The following HDX variants were observed in gnomAD, a reference collection of about 807,000 sequenced individuals.
HDX encodes chromosome X open reading frame 43.
HDX carries 19 observed loss-of-function variants against 45.2 expected under a neutral mutation model. The ratio of observed to expected loss-of-function variants is 0.42; its 90% CI spans 0.29 to 0.62. HDX has a LOEUF of 0.62. Ranked by LOEUF, HDX falls within the 20% of genes least tolerant of loss-of-function variation. The pLI is 0.20. For missense variants in HDX, 532 were observed against 493.9 expected (o/e 1.08, Z -0.73); for synonymous variants, 188 against 172.8 (o/e 1.09, Z -0.69).
At chrX:84,336,461 CTG>C (rs1013581437) in intron 8 of HDX, among the ~76,000 whole-genome samples, 12 of 111,273 alleles carry the variant, frequency 1.1e-4, no homozygotes, top group African/African-American at 3.6e-4. Context: ...ATGCTAAACT[CTG>C]TTTTAATTCT....
At chrX:84,500,794 T>G (rs999355649) in intron 1 of HDX, among the ~76,000 whole-genome samples, 2 of 111,818 alleles carry the variant, frequency 1.8e-5, no homozygotes, top group African/African-American at 6.5e-5. Flanking sequence ...ATAAGGCTCC[T>G]GCATTACAAT....
chrX:84,336,871 T>C lies in HDX; in HGVS notation c.1670A>G (p.Asn557Ser), dbSNP rs77791258. Residue 557 changes from asparagine (N) to serine (S), a missense_variant, in exon 8 of 11, where the codon AAT becomes AGT. Around this residue, in one of 3 missense-constraint regions of HDX, gnomAD observed 151 missense variants for 131.8 expected, o/e 1.15. Coordinates refer to ENST00000373177, the MANE Select transcript of HDX (RefSeq NM_001177479.2). ...CCTTGCATCATTCGGAACAACTTCA[T>C]TGGGCTCTTCTACAGAAAAAAATGC... ...LSEGSSQEEP[N>S]EVVPNDARAH... 7.8e-3 allele frequency: 9,086 copies of C among 1,170,075 alleles called. 414 individuals are homozygous for C. In the African/African-American group the frequency reaches 0.13, roughly 17 times the overall value.
intron 2 of HDX, among the ~76,000 whole-genome samples, chrX:84,478,479 C>T (rs539907624): frequency 7.0e-4 from 78 of 111,771 alleles, no homozygotes; most frequent in African/African-American, 2.4e-3. Flanking sequence ...CTTATAGATT[C>T]GATGCCATAC....
intron 4 of HDX, among the ~76,000 whole-genome samples, chrX:84,465,361 A>T (rs1026236514): frequency 1.8e-4 from 20 of 112,379 alleles, no homozygotes; most frequent in African/African-American, 6.5e-4. Flanking sequence ...CTATAAAGAC[A>T]CATGCACACA....
chrX:84,326,931 G>T (rs1169528004), intron 9 of HDX, among the ~76,000 whole-genome samples: 1 of 102,560 alleles, frequency 9.8e-6, no homozygotes, highest in Non-Finnish European at 2.0e-5. Flanking sequence ...AAAAAAAAAA[G>T]ATTAGGAATA....
intron 4 of HDX, among the ~76,000 whole-genome samples, chrX:84,450,188 T>C (rs1347716731): frequency 9.0e-6 from 1 of 111,491 alleles, no homozygotes; most frequent in Non-Finnish European, 1.9e-5. Flanking sequence ...TATTCACATA[T>C]CAATTATGAT....
intron 3 of HDX, among the ~76,000 whole-genome samples, chrX:84,472,883 A>C (rs748599273): frequency 1.4e-4 from 15 of 110,322 alleles, no homozygotes; most frequent in Middle Eastern, 9.5e-3. Context: ...AAATTTGTTC[A>C]GTTATTATCA....
At position 84,319,176 on chromosome X, in the gene HDX, G is replaced by C. The variant is rs892616466; in HGVS notation, c.*2713C>G. ...TTGTTTTTTGTTTTTTTCCACATTG[G>C]CTTCTGTCTCCCTGAGAGAGCCTTC... On this transcript the variant is annotated 3_prime_UTR_variant, in exon 11 of 11. Coordinates refer to ENST00000373177, the MANE Select transcript of HDX (RefSeq NM_001177479.2). 9.1e-6 allele frequency: 1 copy of C among 109,750 alleles called. No individual in the cohort carries two copies. The highest frequency in any genetic ancestry group is 2.8e-4 in the East Asian group (1 of 3,512). The allele number at this position is 109,750 out of a possible 1,213,427, so 9.0% of individuals were successfully genotyped here.
chrX:84,448,586 C>T (rs939747185), intron 4 of HDX, among the ~76,000 whole-genome samples: 1 of 109,927 alleles, frequency 9.1e-6, no homozygotes, highest in African/African-American at 3.3e-5. Flanking sequence ...ATGGACACAC[C>T]GAGAATGAAA....
rs757171409 is a variant in HDX at position 84,494,660 on chromosome X, G to A, written c.-109-6528C>T. On this transcript the variant is annotated intron_variant, in intron 1 of 10. Transcript: ENST00000373177. ...GTAGAAACAACATACAAACACACAT[G>A]TATTTAGACAATGAAAATGTGAAAG... 3.6e-5 allele frequency among the ~76,000 whole-genome samples: 4 copies of A among 111,796 alleles called. No individual in the cohort carries two copies. In the East Asian group the frequency reaches 8.4e-4, roughly 24 times the overall value.
intron 2 of HDX, among the ~76,000 whole-genome samples, chrX:84,476,424 G>T (rs781154619): frequency 3.1e-4 from 33 of 108,086 alleles, no homozygotes; most frequent in Admixed American, 5.0e-4. Flanking sequence ...GTGAGCCTGT[G>T]GTCCCTGCTA....
chrX:84,419,135 T>C (rs1259953736), intron 5 of HDX, among the ~76,000 whole-genome samples: 1 of 108,944 alleles, frequency 9.2e-6, no homozygotes, highest in African/African-American at 3.4e-5. Context: ...CAAGCAATGA[T>C]ACCCAGGTAC....
intron 5 of HDX, among the ~76,000 whole-genome samples, chrX:84,381,684 C>T (rs911493417): frequency 4.5e-5 from 5 of 111,481 alleles, no homozygotes; most frequent in Non-Finnish European, 9.5e-5. Context: ...TATCTTTTGC[C>T]ATATACAAAA....
chrX:84,434,472 A>G (rs1382622065), intron 5 of HDX, among the ~76,000 whole-genome samples: 1 of 111,834 alleles, frequency 8.9e-6, no homozygotes, highest in Non-Finnish European at 1.9e-5. Flanking sequence ...GTGATGTAAC[A>G]TATTTACTGA....
chrX:84,459,344 A>G (rs1438493109), intron 4 of HDX, among the ~76,000 whole-genome samples: 1 of 110,250 alleles, frequency 9.1e-6, no homozygotes, highest in Non-Finnish European at 1.9e-5. Context: ...CGGGAGGCTG[A>G]GACAGGAGAA....
chrX:84,414,510 AT>A (rs1286732930), intron 5 of HDX, among the ~76,000 whole-genome samples: 1 of 112,035 alleles, frequency 8.9e-6, no homozygotes, highest in Non-Finnish European at 1.9e-5. Flanking sequence ...ACTAAAATAG[AT>A]ACTTAACCAA....
intron 5 of HDX, among the ~76,000 whole-genome samples, chrX:84,387,434 C>T (rs1021606564): frequency 9.0e-6 from 1 of 111,512 alleles, no homozygotes; most frequent in African/African-American, 3.3e-5. Flanking sequence ...TTGAAACCGC[C>T]TAGTATTATT....
At chrX:84,446,003 A>G (rs1407392941) in intron 4 of HDX, among the ~76,000 whole-genome samples, 2 of 111,828 alleles carry the variant, frequency 1.8e-5, no homozygotes, top group Admixed American at 9.5e-5. Context: ...GAATTATAAA[A>G]TTCTAAGATG....
chrX:84,416,323 C>T (rs757206114), intron 5 of HDX, among the ~76,000 whole-genome samples: 11 of 111,302 alleles, frequency 9.9e-5, no homozygotes, highest in African/African-American at 3.3e-4. Flanking sequence ...TGATTAACTA[C>T]TGGTGATTTA....
Sources: gnomAD v4.1 joint callset for allele counts (sites outside exome capture counted in the v4.1 genomes callset) on GRCh38, gnomAD v4.1.1 for gene constraint, gnomAD v4.1.1 regional missense constraint, MANE v1.5 for transcripts, NCBI Gene and HGNC (gene_info 2026-07-23, HGNC 2026-07-21) for gene names.